The following CCDC171 variants were observed in gnomAD, a reference collection of about 807,000 sequenced individuals.
The protein encoded by CCDC171 is coiled-coil domain containing 171.
In CCDC171, 177 loss-of-function variants were observed where a neutral mutation model predicts 168.2. The ratio of observed to expected loss-of-function variants is 1.05; its 90% CI spans 0.93 to 1.19. CCDC171 has a LOEUF of 1.19. Ranked by LOEUF, CCDC171 falls within the 50% of genes most tolerant of loss-of-function variation. The pLI is 0.00. For missense variants in CCDC171, 1,991 were observed against 1,539.0 expected, an observed-to-expected ratio of 1.29 and a Z score of -4.91; for synonymous variants, 687 against 540.8, an observed-to-expected ratio of 1.27 and a Z score of -3.75.
chr9:15,911,429 G>C (rs540868168), intron 24 of CCDC171, among the ~76,000 whole-genome samples: 1 of 152,136 alleles, frequency 6.6e-6, no homozygotes, highest in Non-Finnish European at 1.5e-5. Context: ...TAAGTCCCTT[G>C]TAGATTCTGG....
intron 24 of CCDC171, among the ~76,000 whole-genome samples, chr9:15,876,411 G>A (rs879537625): frequency 6.6e-6 from 1 of 152,016 alleles, no homozygotes; most frequent in Non-Finnish European, 1.5e-5. Flanking sequence ...TTCTCACAAT[G>A]AGCCTGTCAA....
intron 6 of CCDC171, among the ~76,000 whole-genome samples, chr9:16,025,281 A>C (rs1363631165): frequency 1.3e-5 from 2 of 152,268 alleles, no homozygotes; most frequent in East Asian, 3.9e-4. Flanking sequence ...GTCTCTACTA[A>C]AAATACAAAA....
At chr9:15,631,237 G>C (rs928031093) in intron 7 of CCDC171, among the ~76,000 whole-genome samples, 1 of 151,758 alleles carries the variant, frequency 6.6e-6, no homozygotes, top group Non-Finnish European at 1.5e-5. Flanking sequence ...CCAGAAGCTG[G>C]TTTTTTGAAA....
At chr9:16,095,798 A>G in the CCDC171 span, among the ~76,000 whole-genome samples, 3 of 149,394 alleles carry the variant, frequency 2.0e-5, no homozygotes, top group African/African-American at 4.9e-5. Context: ...TCATAGGGCT[A>G]TTTCGGTGTT....
At chr9:15,591,306 T>G in intron 4 of CCDC171, 60 bp from the exon 5 acceptor site, 1 of 1,038,358 alleles carries the variant, frequency 9.6e-7, no homozygotes, top group Non-Finnish European at 1.4e-6. Flanking sequence ...GCCTAGGTTT[T>G]GGGGCTCCTT....
chr9:15,604,693 A>G (rs1038361042), intron 6 of CCDC171, among the ~76,000 whole-genome samples: 1 of 152,134 alleles, frequency 6.6e-6, no homozygotes, highest in East Asian at 1.9e-4. Flanking sequence ...CTTAGTAGGC[A>G]TGGTCTGATA....
chr9:16,032,700 C>A (rs529656837), intron 6 of CCDC171, among the ~76,000 whole-genome samples: 3 of 152,190 alleles, frequency 2.0e-5, no homozygotes, highest in African/African-American at 7.2e-5. Flanking sequence ...TCATAGCAGC[C>A]TCAAACTCCT....
At chr9:15,941,394 G>GT (rs1427799913) in intron 25 of CCDC171, among the ~76,000 whole-genome samples, 1 of 151,774 alleles carries the variant, frequency 6.6e-6, no homozygotes, top group African/African-American at 2.4e-5. Flanking sequence ...GTTTAAACTT[G>GT]TTTTTATTGT....
In CCDC171 at chr9:15,971,671, A is replaced by G. The variant is rs753014924; in HGVS notation, c.3816A>G (p.Thr1272=). The change falls in exon 26 of 26, where the codon ACA becomes ACG. Residue 1272 remains threonine (T), a synonymous_variant. Coordinates refer to ENST00000380701, the MANE Select transcript of CCDC171 (RefSeq NM_173550.4). ...CAAGAGCTCCTCTTCCTGCTGACAC[A>G]ACTGGTATTGGGGATTTCTTACCAT... is the stretch of plus-strand genomic sequence containing the variant. ...IPSRAPLPAD[T]TGIGDFLPLK... 6 of 1,613,678 alleles carry G rather than the reference A, an allele frequency of 3.7e-6. No individual in the cohort carries two copies. Among genetic ancestry groups the G allele is most frequent in the South Asian group, 1.1e-5 (1 of 91,072 alleles).
chr9:15,720,395 G>A (rs2053399977), intron 11 of CCDC171, among the ~76,000 whole-genome samples: 1 of 152,088 alleles, frequency 6.6e-6, no homozygotes, highest in Non-Finnish European at 1.5e-5. Context: ...TATAAAGACA[G>A]AGGCTATACC....
chr9:15,593,317 T>A (rs929379583), intron 5 of CCDC171, among the ~76,000 whole-genome samples: 3 of 152,182 alleles, frequency 2.0e-5, no homozygotes, highest in African/African-American at 4.8e-5. Flanking sequence ...GTTAGAAAAT[T>A]GGGCTTCTCA....
chr9:16,084,423 T>C, the CCDC171 span, among the ~76,000 whole-genome samples: 1 of 152,186 alleles, frequency 6.6e-6, no homozygotes, highest in South Asian at 2.1e-4. Context: ...GTATTCCTGT[T>C]GTCCTCTTTG....
chr9:15,669,196 T>A (rs1347783963), intron 9 of CCDC171, among the ~76,000 whole-genome samples: 1 of 152,220 alleles, frequency 6.6e-6, no homozygotes, highest in Non-Finnish European at 1.5e-5. Context: ...TACATGAAAT[T>A]ATTTTAGATG....
chr9:16,027,258 T>A (rs1481080626), intron 6 of CCDC171, among the ~76,000 whole-genome samples: 3 of 152,190 alleles, frequency 2.0e-5, no homozygotes, highest in Non-Finnish European at 4.4e-5. Context: ...GATATTTTAT[T>A]TAAAGGTTTT....
At chr9:15,787,001 T>C (rs1048869480) in intron 21 of CCDC171, among the ~76,000 whole-genome samples, 3 of 152,154 alleles carry the variant, frequency 2.0e-5, no homozygotes, top group Non-Finnish European at 4.4e-5. Context: ...ATAAACAGCC[T>C]TGTTGCTTAC....
rs1246059550 is a variant in CCDC171 at position 16,047,412 on chromosome 9, G to C, written n.89+4526G>C. 2.0e-5 allele frequency among the ~76,000 whole-genome samples: 3 copies of C among 152,050 alleles called. No individual in the cohort carries two copies. The East Asian group carries it at 5.8e-4, about 29-fold the overall frequency. ...TCGTTCTACCTCCAGCATCTCCTAG[G>C]TCTGTGTCCTCTTCACTACCTCCTG... On this transcript the variant is annotated intron_variant and non_coding_transcript_variant, in intron 1 of 1. Coordinates refer to the CCDC171 transcript ENST00000478913.
At chr9:16,100,739 A>T in the CCDC171 span, among the ~76,000 whole-genome samples, 1 of 152,160 alleles carries the variant, frequency 6.6e-6, no homozygotes, top group African/African-American at 2.4e-5. Context: ...CCTCGCTCCC[A>T]AGGAAAACTC....
chr9:15,642,955 T>C (rs896563212), intron 7 of CCDC171, among the ~76,000 whole-genome samples: 5 of 152,184 alleles, frequency 3.3e-5, no homozygotes, highest in African/African-American at 1.2e-4. Context: ...TAACAAAATA[T>C]ATGACTATCA....
chr9:15,672,096 A>G (rs1405451735), intron 9 of CCDC171, among the ~76,000 whole-genome samples: 1 of 152,174 alleles, frequency 6.6e-6, no homozygotes, highest in African/African-American at 2.4e-5. Context: ...TTCTCTGATG[A>G]CCAGTGATCA....
Sources: allele counts gnomAD v4.1 joint callset (sites outside exome capture counted in the v4.1 genomes callset), GRCh38; gene constraint gnomAD v4.1.1; transcripts MANE v1.5; gene names NCBI Gene and HGNC (gene_info 2026-07-23, HGNC 2026-07-21).